The following YEATS2 variants were observed in gnomAD, a reference collection of about 807,000 sequenced individuals.
The protein encoded by YEATS2 is YEATS domain-containing protein 2.
YEATS2 carries 77 observed loss-of-function variants against 163.2 expected under a neutral mutation model. The observed-to-expected ratio is 0.47, with a 90% confidence interval of 0.39 to 0.57. YEATS2 has a LOEUF of 0.57. Among genes scored for constraint, YEATS2 ranks in the 20% least tolerant of loss-of-function variants. The probability of loss-of-function intolerance (pLI) is 0.00; values close to 1 mark genes in which losing one functional copy is unlikely to be tolerated. For missense variants in YEATS2, 1,549 were observed against 1,729.8 expected (o/e 0.90, Z 1.85); for synonymous variants, 631 against 645.1 (o/e 0.98, Z 0.33).
At chr3:183,759,109 C>T (rs1721079336) in intron 13 of YEATS2, 144 bp downstream of exon 13, 2 of 581,364 alleles carry the variant, frequency 3.4e-6, no homozygotes, top group Middle Eastern at 4.3e-4. Flanking sequence ...GCCACCTCAC[C>T]TGCCAGGGTA....
intron 7 of YEATS2, among the ~76,000 whole-genome samples, chr3:183,732,042 T>C (rs1717842231): frequency 6.7e-6 from 1 of 149,006 alleles, no homozygotes; most frequent in South Asian, 2.1e-4. Flanking sequence ...CATAGCGCTG[T>C]TTTTTTTTTA....
In YEATS2 at chr3:183,803,458, A is replaced by C. The variant is rs983646710; in HGVS notation, c.3582+123A>C. ...GCAGAATATTTTCCTCAGTTAAAAA[A>C]AATCTCATTTTTCAAAGACCTGTAT... On this transcript the variant is annotated intron_variant, in intron 26 of 30. Coordinates refer to ENST00000305135, the MANE Select transcript of YEATS2 (RefSeq NM_018023.5). 13 of 1,034,402 alleles carry C rather than the reference A, an allele frequency of 1.3e-5. No individual in the cohort carries two copies. In the East Asian group the frequency reaches 3.2e-4, roughly 25 times the overall value. The allele number at this position is 1,034,402 out of a possible 1,614,324, so 64.1% of individuals were successfully genotyped here.
chr3:183,802,335 C>T (rs1725736854), intron 25 of YEATS2: 2 of 152,712 alleles, frequency 1.3e-5, no homozygotes, highest in Admixed American at 1.3e-4. Context: ...TACAGACCAC[C>T]TACTTATTTT....
chr3:183,800,582 T>C lies in YEATS2; in HGVS notation c.3428+14T>C. On this transcript the variant is annotated intron_variant, in intron 24 of 30. Coordinates refer to ENST00000305135, the MANE Select transcript of YEATS2 (RefSeq NM_018023.5). The stretch of plus-strand genomic sequence containing the variant: ...CTATGTCATTAAGTAATTCTTCCAA[T>C]CTTTCCTAAAGGAATTCCGCTTCGG... 6.2e-7 allele frequency: 1 copy of C among 1,608,280 alleles called. No individual in the cohort carries two copies. The highest frequency in any genetic ancestry group is 2.2e-5 in the East Asian group (1 of 44,842).
At chr3:183,762,042 T>G (rs1721415994) in intron 14 of YEATS2, 55 bp from the exon 15 acceptor site, 5 of 1,610,182 alleles carry the variant, frequency 3.1e-6, no homozygotes, top group Admixed American at 1.7e-5. Context: ...ATTAGCAGCT[T>G]TATAAAATGG....
chr3:183,770,111 G>A (rs539287839), intron 15 of YEATS2, among the ~76,000 whole-genome samples: 5 of 152,034 alleles, frequency 3.3e-5, no homozygotes, highest in East Asian at 1.9e-4. Flanking sequence ...ACTTCTGGCC[G>A]GGTGCGGTGG....
intron 21 of YEATS2, chr3:183,793,153 C>T (rs1203839768): frequency 4.7e-6 from 6 of 1,284,790 alleles, no homozygotes; most frequent in African/African-American, 3.1e-5. Flanking sequence ...ACTGGTCTAC[C>T]GGAAAAACTG....
intron 20 of YEATS2, among the ~76,000 whole-genome samples, chr3:183,788,334 T>C (rs149473241): frequency 3.5e-4 from 53 of 152,220 alleles, no homozygotes; most frequent in African/African-American, 1.2e-3. Flanking sequence ...GTAACCACCA[T>C]TCTTCTCTCT....
chr3:183,758,526 C>T (rs548994197), intron 12 of YEATS2, among the ~76,000 whole-genome samples: 1 of 152,194 alleles, frequency 6.6e-6, no homozygotes, highest in Admixed American at 6.5e-5. Context: ...AAGTAGAATA[C>T]GTTATAGTGT....
chr3:183,721,848 G>T, intron 4 of YEATS2, 43 bp from the exon 5 acceptor site: 1 of 1,603,122 alleles, frequency 6.2e-7, no homozygotes, highest in South Asian at 1.1e-5. Flanking sequence ...TGCTTTTGAT[G>T]GATTTGATTA....
At chr3:183,808,129 C>T (rs1368083623) in intron 29 of YEATS2, 25 bp downstream of exon 29, 5 of 1,546,162 alleles carry the variant, frequency 3.2e-6, no homozygotes, top group Non-Finnish European at 4.4e-6. Context: ...GGGCCGCCAG[C>T]CAGGAAGGAT....
At chr3:183,702,326 C>T (rs993619589) in intron 1 of YEATS2, among the ~76,000 whole-genome samples, 1 of 151,878 alleles carries the variant, frequency 6.6e-6, no homozygotes, top group Non-Finnish European at 1.5e-5. Context: ...GTGCCTGTAA[C>T]CCCAGCTACT....
rs1722967145 is a variant in YEATS2, at chr3:183,776,067, G to A, written c.2521G>A (p.Gly841Arg). 1 of 1,612,146 alleles carries A rather than the reference G, an allele frequency of 6.2e-7. No homozygotes were observed. The change falls in exon 18 of 31, where the codon GGA becomes AGA. Residue 841 changes from glycine (G) to arginine (R), a missense_variant. Transcript: ENST00000305135. ...GGGTQSTAGPGGISQHLTYTS... is the reference protein window; with the variant it reads ...GGGTQSTAGPRGISQHLTYTS... ...AGGAACTCAAAGTACTGCTGGCCCT[G>A]GAGGGATATCTCAGCACCTGACTTA... is the stretch of plus-strand genomic sequence containing the variant.
At position 183,721,878 on chromosome 3, in the gene YEATS2, T is replaced by C. The variant is rs1257941771; in HGVS notation, c.292-13T>C. 7.5e-6 allele frequency: 12 copies of C among 1,605,784 alleles called. No homozygotes were observed. The highest frequency in any genetic ancestry group is 1.0e-5 in the Non-Finnish European group (12 of 1,176,608). ...TGATTAAAAATTTATTTGCTTGCTTTCATTTTTTGTAGGGATCAAAGACAT... is the reference window on the plus strand; with the variant it reads ...TGATTAAAAATTTATTTGCTTGCTTCCATTTTTTGTAGGGATCAAAGACAT... On this transcript the variant is annotated splice_polypyrimidine_tract_variant and intron_variant, in intron 4 of 30. Coordinates refer to ENST00000305135, the MANE Select transcript of YEATS2 (RefSeq NM_018023.5).
intron 28 of YEATS2, 28 bp downstream of exon 28, chr3:183,807,120 G>A: frequency 6.3e-7 from 1 of 1,588,846 alleles, no homozygotes; most frequent in Non-Finnish European, 8.6e-7. Flanking sequence ...AATAGTTCAT[G>A]CAGCAGACCA....
intron 7 of YEATS2, among the ~76,000 whole-genome samples, chr3:183,733,899 C>T (rs375666822): frequency 1.3e-5 from 2 of 151,836 alleles, no homozygotes; most frequent in Admixed American, 6.6e-5. Context: ...AGGCTCAGGG[C>T]GTGATAAAGG....
intron 2 of YEATS2, 91 bp downstream of exon 2, chr3:183,715,353 G>A: frequency 1.0e-6 from 1 of 952,440 alleles, no homozygotes; most frequent in Non-Finnish European, 1.6e-6. Context: ...AATTTCCACT[G>A]TTATGTATAA....
At chr3:183,699,584 A>G (rs1250540377) in intron 1 of YEATS2, among the ~76,000 whole-genome samples, 1 of 151,900 alleles carries the variant, frequency 6.6e-6, no homozygotes, top group Non-Finnish European at 1.5e-5. Context: ...CTGTACGTAG[A>G]TGATATTCAA....
At chr3:183,764,667 C>T (rs937536304) in intron 15 of YEATS2, among the ~76,000 whole-genome samples, 1 of 151,716 alleles carries the variant, frequency 6.6e-6, no homozygotes, top group Admixed American at 6.6e-5. Flanking sequence ...ATTATTTGGG[C>T]GTGGTGGCGG....
Sources: allele counts gnomAD v4.1 joint callset (sites outside exome capture counted in the v4.1 genomes callset), GRCh38; gene constraint gnomAD v4.1.1; transcripts MANE v1.5; gene names NCBI Gene and HGNC (gene_info 2026-07-23, HGNC 2026-07-21).